Variants in KAT6B observed in about 807,000 individuals in gnomAD.
The protein encoded by KAT6B is histone acetyltransferase KAT6B.
A neutral mutation model predicts 187.5 loss-of-function variants in KAT6B; 10 were observed. That is an observed-to-expected ratio of 0.05 (90% CI 0.03 to 0.09). The LOEUF (loss-of-function observed/expected upper bound fraction) is 0.09. Among genes scored for constraint, KAT6B ranks in the 10% least tolerant of loss-of-function variants. The pLI is 1.00. For missense variants in KAT6B, 1,952 were observed against 2,558.9 expected (o/e 0.76, Z 5.12); for synonymous variants, 861 against 926.8 (o/e 0.93, Z 1.29).
chr10:74,969,644 CT>C lies in KAT6B; in HGVS notation c.731-11del, dbSNP rs772911843. On this transcript the variant is annotated splice_polypyrimidine_tract_variant and intron_variant, in intron 4 of 17. Transcript: ENST00000287239. ...GGCACCATTCCCATCAAGCAATTTGCTTTTTATTCTCATAGGACACCCATCC... is the reference window on the plus strand; with the variant it reads ...GGCACCATTCCCATCAAGCAATTTGCTTTTATTCTCATAGGACACCCATCC... The C allele has an allele frequency of 1.2e-5, 18 of 1,527,752 alleles. No homozygotes were observed. In the African/African-American group the frequency reaches 2.2e-4, roughly 19 times the overall value. 94.6% of individuals were successfully genotyped at this position (1,527,752 alleles called of 1,614,324 possible).
chr10:74,904,569 G>A (rs1846624326), intron 3 of KAT6B, among the ~76,000 whole-genome samples: 1 of 152,156 alleles, frequency 6.6e-6, no homozygotes, highest in Non-Finnish European at 1.5e-5. Flanking sequence ...CAAATCTTGA[G>A]GGCATTGTAA....
chr10:74,837,153 T>C (rs1841364053), intron 1 of KAT6B, among the ~76,000 whole-genome samples: 1 of 152,202 alleles, frequency 6.6e-6, no homozygotes, highest in South Asian at 2.1e-4. Context: ...CTGAATAGTG[T>C]TGATGTTTAT....
At chr10:74,906,355 G>A (rs550925598) in intron 3 of KAT6B, among the ~76,000 whole-genome samples, 36 of 152,178 alleles carry the variant, frequency 2.4e-4, no homozygotes, top group African/African-American at 6.5e-4. Flanking sequence ...AGCCAAGATC[G>A]TGCCACTGCA....
At chr10:74,977,511 T>C (rs1006484103) in intron 9 of KAT6B, 74 bp downstream of exon 9, 21 of 1,550,052 alleles carry the variant, frequency 1.4e-5, no homozygotes, top group East Asian at 2.3e-5. Flanking sequence ...AATTACTGTG[T>C]TGATTTTATA....
intron 14 of KAT6B, 139 bp downstream of exon 14, chr10:75,020,952 AC>A: frequency 2.1e-6 from 2 of 961,000 alleles, no homozygotes; most frequent in Non-Finnish European, 3.3e-6. Flanking sequence ...TAAAAATAAC[AC>A]ATGAAATGAC....
chr10:74,923,117 G>A (rs1848254937), intron 3 of KAT6B, among the ~76,000 whole-genome samples: 2 of 152,186 alleles, frequency 1.3e-5, no homozygotes, highest in Admixed American at 1.3e-4. Flanking sequence ...TTGGGTGTGG[G>A]CTCAGGATAA....
At position 75,029,333 on chromosome 10, in the gene KAT6B, C is replaced by A; in HGVS notation, c.4509C>A (p.Asp1503Glu). ...AGDPEAVPESDEEPPPGEQAQ... is the reference protein window; with the variant it reads ...AGDPEAVPESEEEPPPGEQAQ... ...ACCCTGAAGCTGTACCCGAATCTGACGAGGAGCCACCCCCAGGAGAACAGG... is the reference window on the plus strand; with the variant it reads ...ACCCTGAAGCTGTACCCGAATCTGAAGAGGAGCCACCCCCAGGAGAACAGG... The change falls in exon 18 of 18, where the codon GAC (aspartate) becomes GAA (glutamate). Residue 1503 changes from aspartate (D) to glutamate (E), a missense_variant. Physicochemically the swap from Asp to Glu is conservative, Grantham distance 45. This residue lies in a region of KAT6B where 758 missense variants were observed against 891.4 expected (regional missense o/e 0.85). Transcript: ENST00000287239. The surrounding 1 kb of genome is among the most constrained non-coding windows in gnomAD (Gnocchi z 6.2). 1 of 1,614,014 alleles carries A rather than the reference C, an allele frequency of 6.2e-7. No individual in the cohort carries two copies. The highest frequency in any genetic ancestry group is 8.5e-7 in the Non-Finnish European group (1 of 1,180,014).
At position 75,030,561 on chromosome 10, in the gene KAT6B, C is replaced by T; in HGVS notation, c.5737C>T (p.Leu1913=). The change falls in exon 18 of 18, where the codon CTG becomes TTG. Residue 1913 remains leucine (L), a synonymous_variant. Transcript: ENST00000287239. This position sits in a 1 kb window ranked among gnomAD's most constrained non-coding sequence, Gnocchi z 4.8. ...TATTGGCATCTCTCACAGCCAAAGACTGCAAACCCAGATTGCCAGCAAGGG... is the reference window on the plus strand; with the variant it reads ...TATTGGCATCTCTCACAGCCAAAGATTGCAAACCCAGATTGCCAGCAAGGG... The part of the protein sequence containing the change: ...SNIGISHSQR[L]QTQIASKGHI... 6.2e-7 allele frequency: 1 copy of T among 1,608,720 alleles called. No homozygotes were observed.
rs1286866874 is a variant in KAT6B at position 74,959,974 on chromosome 10, G to A, written c.626G>A (p.Arg209His). The change falls in exon 4 of 18, where the codon CGT becomes CAT. Residue 209 changes from arginine to histidine, a missense_variant. Around this residue, in one of 9 missense-constraint regions of KAT6B, gnomAD observed 218 missense variants for 282.6 expected, o/e 0.77. Coordinates refer to ENST00000287239, the MANE Select transcript of KAT6B (RefSeq NM_012330.4). ...TTTATTTTAATTTTGTCATAGCCCC[G>A]TGCTGATCCCATTCCAATATGTAGC... is the stretch of plus-strand genomic sequence containing the variant. ...SLLPHEKDQP[R>H]ADPIPICSFC... is the part of the protein sequence containing the mutation. The A allele has an allele frequency of 8.7e-6, 14 of 1,603,840 alleles. No individual in the cohort carries two copies. The highest frequency in any genetic ancestry group is 6.7e-5 in the East Asian group (3 of 44,794).
chr10:74,915,279 C>T (rs1847591113), intron 3 of KAT6B, among the ~76,000 whole-genome samples: 1 of 152,160 alleles, frequency 6.6e-6, no homozygotes, highest in Admixed American at 6.5e-5. Context: ...CTGATAAATG[C>T]ATACTCTCTT....
chr10:74,994,309 T>G (rs1843286228), intron 13 of KAT6B, among the ~76,000 whole-genome samples: 1 of 152,234 alleles, frequency 6.6e-6, no homozygotes, highest in Non-Finnish European at 1.5e-5. Context: ...GATTTATTTA[T>G]CAGCAAATGT....
chr10:74,909,567 A>T lies in KAT6B; in HGVS notation c.622-50403A>T, dbSNP rs1589600254. Among the ~76,000 whole-genome samples the T allele has an allele frequency of 1.3e-5, 2 of 152,236 alleles. 1 individual carries two copies. The highest frequency in any genetic ancestry group is 2.9e-5 in the Non-Finnish European group (2 of 68,010). On this transcript the variant is annotated intron_variant, in intron 3 of 17. Transcript: ENST00000287239. ...TTCTGGATAATCTTCCTTTGTGCATAAGCTCCAGGCTCACCTTCTCTGCCT... is the reference window on the plus strand; with the variant it reads ...TTCTGGATAATCTTCCTTTGTGCATTAGCTCCAGGCTCACCTTCTCTGCCT...
intron 13 of KAT6B, among the ~76,000 whole-genome samples, chr10:75,010,191 A>C (rs1313620836): frequency 6.6e-6 from 1 of 152,208 alleles, no homozygotes; most frequent in African/African-American, 2.4e-5. Flanking sequence ...ACCTCAAATC[A>C]CGTTTCAAAG....
intron 9 of KAT6B, among the ~76,000 whole-genome samples, chr10:74,978,628 C>T (rs2133761933): frequency 6.6e-6 from 1 of 152,278 alleles, no homozygotes; most frequent in South Asian, 2.1e-4. Flanking sequence ...GTGTCAGGCA[C>T]TGTACCAGAC....
intron 13 of KAT6B, among the ~76,000 whole-genome samples, chr10:74,989,371 G>A (rs537912345): frequency 1.3e-4 from 20 of 152,132 alleles, no homozygotes; most frequent in Non-Finnish European, 2.5e-4. Flanking sequence ...TGAATGAACC[G>A]ACAGAATTAC....
At position 75,029,695 on chromosome 10, in the gene KAT6B, A is replaced by G; in HGVS notation, c.4871A>G (p.Asn1624Ser). ...VNSPSVPALE[N>S]SYAQISPDQS... is the part of the protein sequence containing the mutation. ...AGCCCAAGTGTCCCTGCTCTGGAAA[A>G]CAGCTACGCCCAAATCAGCCCAGAT... The change falls in exon 18 of 18, where the codon AAC becomes AGC. Residue 1624 changes from asparagine to serine, a missense_variant. Transcript: ENST00000287239. This position sits in a 1 kb window ranked among gnomAD's most constrained non-coding sequence, Gnocchi z 6.2. 1 of 1,614,070 alleles carries G rather than the reference A, an allele frequency of 6.2e-7. No individual in the cohort carries two copies. The highest frequency in any genetic ancestry group is 8.5e-7 in the Non-Finnish European group (1 of 1,180,002).
chr10:75,029,214 G>C lies in KAT6B; in HGVS notation c.4390G>C (p.Val1464Leu). The C allele has an allele frequency of 6.2e-7, 1 of 1,614,140 alleles. No individual in the cohort carries two copies. Among genetic ancestry groups the C allele is most frequent in the Non-Finnish European group, 8.5e-7 (1 of 1,180,026 alleles). Residue 1464 changes from valine (V) to leucine (L), a missense_variant, in exon 18 of 18, where the codon GTG becomes CTG. By Grantham distance (32) the Val-to-Leu change is conservative. Coordinates refer to ENST00000287239, the MANE Select transcript of KAT6B (RefSeq NM_012330.4). This position sits in a 1 kb window ranked among gnomAD's most constrained non-coding sequence, Gnocchi z 6.2. ...ENQETFLDLNVQPGHSNPEVL... is the reference protein window; with the variant it reads ...ENQETFLDLNLQPGHSNPEVL... ...CCAGGAGACTTTTTTAGACCTTAAT[G>C]TGCAGCCTGGTCACTCGAACCCAGA...
intron 13 of KAT6B, among the ~76,000 whole-genome samples, chr10:75,013,000 A>G (rs964434505): frequency 6.6e-6 from 1 of 152,118 alleles, no homozygotes; most frequent in Non-Finnish European, 1.5e-5. Flanking sequence ...GTGGGATCCC[A>G]GAGAAGAGAG....
intron 3 of KAT6B, among the ~76,000 whole-genome samples, chr10:74,934,856 C>T (rs957827741): frequency 2.0e-5 from 3 of 152,236 alleles, no homozygotes; most frequent in African/African-American, 7.2e-5. Context: ...GCTTCTTCCT[C>T]TAACATCCAC....
Sources: allele counts gnomAD v4.1 joint callset (sites outside exome capture counted in the v4.1 genomes callset), GRCh38; gene constraint gnomAD v4.1.1; regional missense constraint gnomAD v4.1.1; non-coding constraint Gnocchi (gnomAD v3.1); transcripts MANE v1.5; gene names NCBI Gene and HGNC (gene_info 2026-07-23, HGNC 2026-07-21).